IFI27L1: variants seen among roughly 807,000 people sequenced by gnomAD.
IFI27L1 encodes interferon alpha-inducible protein 27-like protein 1.
In IFI27L1, 3 loss-of-function variants were observed where a neutral mutation model predicts 9.2. The observed-to-expected ratio is 0.32, with a 90% CI of 0.15 to 0.84. The LOEUF (loss-of-function observed/expected upper bound fraction) is 0.84, where lower values mean the gene tolerates loss of function less well. Ranked by LOEUF, IFI27L1 falls within the 40% of genes least tolerant of loss-of-function variation. The pLI, the probability that IFI27L1 is intolerant of heterozygous loss-of-function variation, is 0.56. For synonymous variants in IFI27L1, 53 were observed against 50.0 expected (o/e 1.06, Z -0.26); for missense variants, 133 against 134.2 (o/e 0.99, Z 0.05).
chr14:94,097,448 A>G, intron 2 of IFI27L1: 1 of 582,026 alleles, frequency 1.7e-6, no homozygotes, highest in Non-Finnish European at 3.0e-6. Context: ...TTTTGTTAGG[A>G]TTTGGCATAA....
chr14:94,098,743 G>T (rs753571827), intron 2 of IFI27L1, among the ~76,000 whole-genome samples: 15 of 152,162 alleles, frequency 9.9e-5, no homozygotes, highest in Non-Finnish European at 1.5e-4. Flanking sequence ...AGGCTTATGG[G>T]TATGGGTTTG....
intron 1 of IFI27L1, among the ~76,000 whole-genome samples, chr14:94,087,434 T>C (rs1369311722): frequency 2.0e-5 from 3 of 152,252 alleles, no homozygotes; most frequent in Non-Finnish European, 2.9e-5. Context: ...TTTTTATTTT[T>C]GTTTTGTTTT....
At chr14:94,083,934 AAAAGAAAGAAGG>A (rs972343405) in intron 1 of IFI27L1, among the ~76,000 whole-genome samples, 24 of 152,266 alleles carry the variant, frequency 1.6e-4, no homozygotes, top group Middle Eastern at 3.4e-3. Context: ...TAAAAAAAGA[AAAAGAAAGAAGG>A]AAAGAAAGAG....
chr14:94,091,515 G>A (rs75475029), intron 1 of IFI27L1, among the ~76,000 whole-genome samples: 10,852 of 152,196 alleles, frequency 0.071, 466 homozygotes, highest in Non-Finnish European at 0.091. Flanking sequence ...AGGCAAATAT[G>A]TCATTTTTGG....
intron 1 of IFI27L1, among the ~76,000 whole-genome samples, chr14:94,090,162 A>G (rs1886422405): frequency 6.6e-6 from 1 of 152,256 alleles, no homozygotes; most frequent in Non-Finnish European, 1.5e-5. Flanking sequence ...ATGTGCCCAA[A>G]TTAGAATATT....
At chr14:94,083,161 G>A (rs920231095) in intron 1 of IFI27L1, among the ~76,000 whole-genome samples, 10 of 152,246 alleles carry the variant, frequency 6.6e-5, no homozygotes, top group Non-Finnish European at 1.5e-4. Flanking sequence ...TTCAGTGAAG[G>A]AGGTAACTGC....
rs114350746 is a variant in IFI27L1 at position 94,090,171 on chromosome 14, T to G, written c.-51-6716T>G. On this transcript the variant is annotated intron_variant, in intron 1 of 4. Coordinates refer to ENST00000555523, the MANE Select transcript of IFI27L1 (RefSeq NM_206949.3). ...TCCAATATGTGCCCAAATTAGAATA[T>G]TGATCCAGATTTTTACATTACCCAT... Among the ~76,000 whole-genome samples, 456 of 152,328 alleles carry G rather than the reference T, an allele frequency of 3.0e-3. 4 individuals carry two copies. The highest frequency in any genetic ancestry group is 0.011 in the African/African-American group (445 of 41,568).
chr14:94,099,060 G>A (rs1411599856), intron 2 of IFI27L1, among the ~76,000 whole-genome samples: 1 of 152,224 alleles, frequency 6.6e-6, no homozygotes, highest in Non-Finnish European at 1.5e-5. Flanking sequence ...TGGTGTGAAG[G>A]GAGGGGCTGT....
chr14:94,096,563 A>C (rs1040990758), intron 1 of IFI27L1, among the ~76,000 whole-genome samples: 1 of 152,012 alleles, frequency 6.6e-6, no homozygotes, highest in African/African-American at 2.4e-5. Context: ...GTGTGGTCGC[A>C]CGCACCTGTA....
chr14:94,088,252 A>G (rs1438690509), intron 1 of IFI27L1: 5 of 702,208 alleles, frequency 7.1e-6, no homozygotes, highest in Non-Finnish European at 1.0e-5. Context: ...TTGCAGTAGC[A>G]GAAGCAGAGT....
chr14:94,085,318 G>A (rs1456716430), intron 1 of IFI27L1, among the ~76,000 whole-genome samples: 1 of 152,164 alleles, frequency 6.6e-6, no homozygotes, highest in East Asian at 1.9e-4. Flanking sequence ...TGTGACTCTG[G>A]CAGATTACTT....
At chr14:94,092,693 C>T (rs55905306) in intron 1 of IFI27L1, among the ~76,000 whole-genome samples, 1 of 151,992 alleles carries the variant, frequency 6.6e-6, no homozygotes, top group Non-Finnish European at 1.5e-5. Context: ...TACAGAAAAA[C>T]TGAAGAATAC....
At chr14:94,093,486 A>G (rs1886557251) in intron 1 of IFI27L1, among the ~76,000 whole-genome samples, 1 of 152,066 alleles carries the variant, frequency 6.6e-6, no homozygotes, top group South Asian at 2.1e-4. Context: ...TGCATTTCTT[A>G]TGAACTTCAT....
chr14:94,096,044 G>T (rs1347754490), intron 1 of IFI27L1, among the ~76,000 whole-genome samples: 3 of 152,164 alleles, frequency 2.0e-5, no homozygotes, highest in Non-Finnish European at 4.4e-5. Flanking sequence ...TATGTAAGAT[G>T]ATGAGGTCCT....
At chr14:94,088,493 A>G (rs892740782) in intron 1 of IFI27L1, among the ~76,000 whole-genome samples, 1 of 134,212 alleles carries the variant, frequency 7.5e-6, no homozygotes, top group Non-Finnish European at 1.5e-5. Context: ...CCAATCCTGG[A>G]ACAATCTTTT....
At chr14:94,087,151 A>G (rs1886308192) in intron 1 of IFI27L1, among the ~76,000 whole-genome samples, 1 of 152,254 alleles carries the variant, frequency 6.6e-6, no homozygotes, top group Admixed American at 6.5e-5. Context: ...CTCTTAGAAT[A>G]ACTTACTTTT....
chr14:94,083,531 T>C (rs551663113), intron 1 of IFI27L1, among the ~76,000 whole-genome samples: 11 of 152,326 alleles, frequency 7.2e-5, no homozygotes, highest in African/African-American at 2.2e-4. Context: ...CAAACTTCAT[T>C]GTTGTGTTAT....
chr14:94,100,038 G>A (rs74633739), intron 2 of IFI27L1, among the ~76,000 whole-genome samples: 1,919 of 152,274 alleles, frequency 0.013, 47 homozygotes, highest in African/African-American at 0.043. Flanking sequence ...CAAGTGGGCA[G>A]CACAGGCCTA....
chr14:94,085,095 T>G (rs1054814191), intron 1 of IFI27L1, among the ~76,000 whole-genome samples: 2 of 151,924 alleles, frequency 1.3e-5, no homozygotes, highest in Non-Finnish European at 2.9e-5. Context: ...GTGGCTGAAG[T>G]GGGAGTACTT....
Sources: gnomAD v4.1 joint callset for allele counts (sites outside exome capture counted in the v4.1 genomes callset) on GRCh38, gnomAD v4.1.1 for gene constraint, MANE v1.5 for transcripts, NCBI Gene and HGNC (gene_info 2026-07-23, HGNC 2026-07-21) for gene names.